Variants in DAGLA observed in about 807,000 individuals in gnomAD.
DAGLA encodes the protein diacylglycerol lipase alpha.
DAGLA carries 22 observed loss-of-function variants against 102.6 expected under a neutral mutation model. That is an observed-to-expected ratio of 0.21 (90% confidence interval 0.15 to 0.31). DAGLA has a LOEUF of 0.31. Ranked by LOEUF, DAGLA falls within the 10% of genes least tolerant of loss-of-function variation. The pLI is 1.00. For synonymous variants in DAGLA, 578 were observed against 628.9 expected (o/e 0.92, Z 1.21); for missense variants, 927 against 1,446.6 (o/e 0.64, Z 5.83).
chr11:61,710,978 A>T (rs1288767210), intron 1 of DAGLA, among the ~76,000 whole-genome samples: 3 of 152,224 alleles, frequency 2.0e-5, no homozygotes, highest in Non-Finnish European at 4.4e-5. Context: ...TGGAACTAAG[A>T]TTCAAATTCG....
intron 1 of DAGLA, among the ~76,000 whole-genome samples, chr11:61,685,170 T>C (rs1461389495): frequency 6.6e-6 from 1 of 152,012 alleles, no homozygotes; most frequent in African/African-American, 2.4e-5. Context: ...CGGACCCAGA[T>C]TGGATGCTGG....
At chr11:61,691,963 A>G (rs1046474367) in intron 1 of DAGLA, among the ~76,000 whole-genome samples, 21 of 152,234 alleles carry the variant, frequency 1.4e-4, no homozygotes, top group Non-Finnish European at 8.8e-5. Context: ...TTTGATGGGC[A>G]CACAGATCAC....
intron 7 of DAGLA, 60 bp from the exon 8 acceptor site, chr11:61,728,871 C>G (rs2065352446): frequency 6.6e-7 from 1 of 1,515,690 alleles, no homozygotes. Context: ...GGCCCCCTTT[C>G]CCAGCCATGC....
intron 1 of DAGLA, among the ~76,000 whole-genome samples, chr11:61,689,024 C>T (rs1222717872): frequency 1.3e-5 from 2 of 152,270 alleles, no homozygotes; most frequent in Non-Finnish European, 2.9e-5. Context: ...TGCCTGCCAT[C>T]GCTCATTGGA....
At chr11:61,721,490 C>T (rs1023492498) in intron 3 of DAGLA, among the ~76,000 whole-genome samples, 15 of 152,238 alleles carry the variant, frequency 9.9e-5, no homozygotes, top group African/African-American at 3.6e-4. Flanking sequence ...TGAGTAGTTA[C>T]TACAGCGACT....
At chr11:61,738,064 G>T in intron 15 of DAGLA, 71 bp from the exon 16 acceptor site, 1 of 1,269,368 alleles carries the variant, frequency 7.9e-7, no homozygotes. Context: ...CTGCCCCTCC[G>T]CCCCTGGCCC....
At chr11:61,722,727 G>A in intron 3 of DAGLA, 132 bp from the exon 4 acceptor site, 1 of 726,484 alleles carries the variant, frequency 1.4e-6, no homozygotes, top group Non-Finnish European at 2.4e-6. Context: ...GTCTGCTAAT[G>A]GCCCGCTGCC....
At chr11:61,729,482 C>G (rs2065357390) in intron 8 of DAGLA, among the ~76,000 whole-genome samples, 1 of 151,740 alleles carries the variant, frequency 6.6e-6, no homozygotes, top group South Asian at 2.1e-4. Flanking sequence ...CAGCCCAGGG[C>G]CCAGTACAGC....
At chr11:61,681,290 C>T (rs968670474) in intron 1 of DAGLA, among the ~76,000 whole-genome samples, 9 of 152,052 alleles carry the variant, frequency 5.9e-5, no homozygotes, top group African/African-American at 2.2e-4. Context: ...CAAGAGATGC[C>T]AGGAGAAGCT....
chr11:61,683,464 A>G (rs1687642443), intron 1 of DAGLA, among the ~76,000 whole-genome samples: 1 of 152,182 alleles, frequency 6.6e-6, no homozygotes, highest in African/African-American at 2.4e-5. Context: ...ATGTCTGGAA[A>G]GCTCTCTTAA....
chr11:61,690,670 G>A (rs945166812), intron 1 of DAGLA, among the ~76,000 whole-genome samples: 4 of 152,164 alleles, frequency 2.6e-5, no homozygotes, highest in African/African-American at 9.7e-5. Context: ...TCTGTTAGAG[G>A]CTGCGTGTTT....
intron 3 of DAGLA, 107 bp downstream of exon 3, chr11:61,720,997 C>T: frequency 9.2e-7 from 1 of 1,087,584 alleles, no homozygotes; most frequent in Non-Finnish European, 1.3e-6. Flanking sequence ...TGTTTTAGCA[C>T]TGGGGTACAG....
At chr11:61,742,327 A>G (rs984242318) in intron 19 of DAGLA, among the ~76,000 whole-genome samples, 6 of 152,036 alleles carry the variant, frequency 3.9e-5, no homozygotes, top group African/African-American at 1.2e-4. Context: ...CTTCCAGGGG[A>G]GGATTGTCCT....
intron 9 of DAGLA, among the ~76,000 whole-genome samples, chr11:61,733,249 A>C (rs2065391285): frequency 6.6e-6 from 1 of 152,192 alleles, no homozygotes; most frequent in Non-Finnish European, 1.5e-5. Flanking sequence ...TCCAAAGGCC[A>C]CACTGTTACA....
At chr11:61,724,766 A>G (rs1357307158) in intron 5 of DAGLA, among the ~76,000 whole-genome samples, 1 of 152,116 alleles carries the variant, frequency 6.6e-6, no homozygotes, top group Non-Finnish European at 1.5e-5. Flanking sequence ...CCCATCCCAC[A>G]GTGCTCTGGG....
intron 12 of DAGLA, 38 bp from the exon 13 acceptor site, chr11:61,736,232 C>T (rs1399042399): frequency 6.4e-7 from 1 of 1,566,778 alleles, no homozygotes; most frequent in Non-Finnish European, 8.8e-7. Flanking sequence ...CACTGGGAGG[C>T]CTCCCACCAA....
intron 1 of DAGLA, among the ~76,000 whole-genome samples, chr11:61,689,756 G>A (rs986617494): frequency 1.3e-5 from 2 of 152,028 alleles, no homozygotes; most frequent in African/African-American, 4.8e-5. Context: ...CATCCACCTC[G>A]GCCTCCCAAA....
At position 61,746,506 on chromosome 11, in the gene DAGLA, C is replaced by T. The variant is rs2065540478; in HGVS notation, c.*2017C>T. 6.6e-6 allele frequency: 1 copy of T among 152,578 alleles called. No individual in the cohort carries two copies. Among genetic ancestry groups the T allele is most frequent in the Admixed American group, 6.5e-5 (1 of 15,286 alleles). 9.5% of individuals were successfully genotyped at this position (152,578 alleles called of 1,614,324 possible). On this transcript the variant is annotated 3_prime_UTR_variant, in exon 20 of 20. Transcript: ENST00000257215. ...AGCCATCAGGGACAGACCCCCCACCCCCAAGGCTGCAGCCACACCATGTTT... is the reference window on the plus strand; with the variant it reads ...AGCCATCAGGGACAGACCCCCCACCTCCAAGGCTGCAGCCACACCATGTTT...
intron 6 of DAGLA, among the ~76,000 whole-genome samples, chr11:61,727,129 C>T (rs957040868): frequency 6.6e-6 from 1 of 152,242 alleles, no homozygotes; most frequent in Non-Finnish European, 1.5e-5. Flanking sequence ...TCCTGTTAGA[C>T]ACTGATGGCC....
Sources: gnomAD v4.1 joint callset for allele counts (sites outside exome capture counted in the v4.1 genomes callset) on GRCh38, gnomAD v4.1.1 for gene constraint, MANE v1.5 for transcripts, NCBI Gene and HGNC (gene_info 2026-07-23, HGNC 2026-07-21) for gene names.